The following CCDC39 variants were observed in gnomAD, a reference collection of about 807,000 sequenced individuals.
CCDC39 encodes coiled-coil domain-containing protein 39.
CCDC39 carries 113 observed loss-of-function variants against 121.0 expected under a neutral mutation model. The ratio of observed to expected loss-of-function variants is 0.93; its 90% CI spans 0.80 to 1.09. The LOEUF is 1.09. CCDC39 is among the 50% of genes least tolerant of loss of function. CCDC39 has a pLI of 0.00. For synonymous variants in CCDC39, 349 were observed against 352.2 expected (o/e 0.99, Z 0.10); for missense variants, 1,063 against 1,074.7 (o/e 0.99, Z 0.15).
chr3:180,668,110 G>A (rs944551507), intron 1 of CCDC39, among the ~76,000 whole-genome samples: 7 of 152,268 alleles, frequency 4.6e-5, no homozygotes, highest in African/African-American at 1.4e-4. Context: ...AGGCACAATG[G>A]CTCATGCCTG....
At position 180,659,740 on chromosome 3, in the gene CCDC39, A is replaced by C; in HGVS notation, c.546T>G (p.Thr182=). The C allele has an allele frequency of 6.2e-7, 1 of 1,612,220 alleles. No individual in the cohort carries two copies. Residue 182 remains threonine (T), a synonymous_variant, in exon 5 of 20, where the codon ACT becomes ACG. Coordinates refer to ENST00000476379, the MANE Select transcript of CCDC39 (RefSeq NM_181426.2). ...RALTLQLERL[T]LECNQKRKIL... is the part of the protein sequence containing the mutation. Reference sequence around the variant, plus strand: ...TCTTTCTTTTCTGATTACATTCCAAAGTTAGTCTTTCTAATTGCAGAGTCA... The same window carrying C: ...TCTTTCTTTTCTGATTACATTCCAACGTTAGTCTTTCTAATTGCAGAGTCA...
At chr3:180,625,052 G>A (rs1242752894) in intron 14 of CCDC39, among the ~76,000 whole-genome samples, 1 of 152,002 alleles carries the variant, frequency 6.6e-6, no homozygotes, top group Non-Finnish European at 1.5e-5. Context: ...GGCCTCTTGT[G>A]TCTCGGCGTC....
chr3:180,676,470 G>T (rs1414788337), intron 1 of CCDC39, among the ~76,000 whole-genome samples: 1 of 152,188 alleles, frequency 6.6e-6, no homozygotes, highest in Non-Finnish European at 1.5e-5. Context: ...TTAGAATGGC[G>T]ATCATTAAAA....
In CCDC39 at chr3:180,660,608, G is replaced by C. The variant is rs1350436900; in HGVS notation, c.478C>G (p.Leu160Val). ...SAHKDSDALT[L>V]QKYAQQDDNK... The stretch of plus-strand genomic sequence containing the variant: ...TCATCTTGTTGTGCATACTTCTGGA[G>C]AGTGAGAGCATCACTATCTTTATGA... Residue 160 changes from leucine to valine, a missense_variant, in exon 4 of 20, where the codon CTC becomes GTC. Physicochemically the swap from Leu to Val is conservative, Grantham distance 32. Transcript: ENST00000476379. 1 of 1,600,576 alleles carries C rather than the reference G, an allele frequency of 6.2e-7. No homozygotes were observed. The highest frequency in any genetic ancestry group is 8.5e-7 in the Non-Finnish European group (1 of 1,172,282).
At chr3:180,640,186 A>T (rs1027153867) in intron 13 of CCDC39, among the ~76,000 whole-genome samples, 2 of 152,104 alleles carry the variant, frequency 1.3e-5, no homozygotes, top group Admixed American at 1.3e-4. Context: ...AACCTATCAA[A>T]TGTACACTTT....
chr3:180,655,540 A>AG (rs1427980369), intron 6 of CCDC39, among the ~76,000 whole-genome samples: 22 of 151,754 alleles, frequency 1.4e-4, no homozygotes, highest in Non-Finnish European at 3.2e-4. Flanking sequence ...AGGATAGGGA[A>AG]GAAAAAAAAA....
Position 180,654,828 on chromosome 3 carries a change from A to G in CCDC39, c.864T>C (p.Arg288=). The G allele has an allele frequency of 6.2e-7, 1 of 1,610,804 alleles. No individual in the cohort carries two copies. Among genetic ancestry groups the G allele is most frequent in the African/African-American group, 1.3e-5 (1 of 74,922 alleles). The part of the protein sequence containing the change: ...EFEKRISVAD[R]KLLKCRTAYQ... ...ATGCCGTTCTACATTTTAAAAGTTT[A>G]CGATCAGCCACAGAAATTCTTTTCT... Residue 288 remains arginine, a synonymous_variant, in exon 7 of 20, where the codon CGT becomes CGC. Transcript: ENST00000476379.
intron 19 of CCDC39, 99 bp from the exon 20 acceptor site, chr3:180,615,176 G>A: frequency 2.3e-6 from 2 of 862,992 alleles, no homozygotes; most frequent in Non-Finnish European, 3.4e-6. Flanking sequence ...CATAAGTAAA[G>A]ACATCAAAAA....
Position 180,671,771 on chromosome 3 carries a change from A to G in CCDC39, c.90+7520T>C, listed in dbSNP as rs73051791. Among the ~76,000 whole-genome samples, 297 of 152,288 alleles carry G rather than the reference A, an allele frequency of 2.0e-3. 1 individual carries two copies. The highest frequency in any genetic ancestry group is 6.8e-3 in the African/African-American group (284 of 41,562). The stretch of plus-strand genomic sequence containing the variant: ...AGGGCCCTTAACTTTCTTCAATTCT[A>G]TGAAGGCTGAGAAGGGTGAAGAAGC... On this transcript the variant is annotated intron_variant, in intron 1 of 19. Transcript: ENST00000476379.
rs376284709 is a variant in CCDC39 at position 180,642,243 on chromosome 3, A to T, written c.1666-42T>A. On this transcript the variant is annotated intron_variant, in intron 12 of 19. Coordinates refer to ENST00000476379, the MANE Select transcript of CCDC39 (RefSeq NM_181426.2). ...ATGGTCAAATATTGAAATTATTTTT[A>T]ATTGCAAAACCAAAATTTTTTTTAT... 8 of 1,379,628 alleles carry T rather than the reference A, an allele frequency of 5.8e-6. No individual in the cohort carries two copies. The African/African-American group carries it at 1.2e-4, about 20-fold the overall frequency. The allele number at this position is 1,379,628 out of a possible 1,614,324, so 85.5% of individuals were successfully genotyped here.
intron 1 of CCDC39, among the ~76,000 whole-genome samples, chr3:180,671,764 C>T (rs1303686251): frequency 2.0e-5 from 3 of 152,128 alleles, no homozygotes; most frequent in African/African-American, 7.2e-5. Flanking sequence ...TAACTTTCTT[C>T]AATTCTATGA....
intron 6 of CCDC39, among the ~76,000 whole-genome samples, chr3:180,658,100 G>T (rs147888661): frequency 6.6e-6 from 1 of 151,820 alleles, no homozygotes; most frequent in Non-Finnish European, 1.5e-5. Flanking sequence ...TTAGCTGGGC[G>T]TGGTGGCGGG....
chr3:180,630,804 T>TG (rs1193002651), intron 14 of CCDC39, among the ~76,000 whole-genome samples: 16 of 152,118 alleles, frequency 1.1e-4, no homozygotes, highest in Non-Finnish European at 2.2e-4. Context: ...CAGATTCACC[T>TG]GGTCTGTCTC....
intron 2 of CCDC39, 88 bp downstream of exon 2, chr3:180,663,779 T>A (rs1307805670): frequency 8.1e-7 from 1 of 1,240,584 alleles, no homozygotes; most frequent in Non-Finnish European, 1.1e-6. Flanking sequence ...AGGTTTCCTA[T>A]TATAGCTGTA....
chr3:180,620,090 C>G, intron 14 of CCDC39, 120 bp from the exon 15 acceptor site: 1 of 649,100 alleles, frequency 1.5e-6, no homozygotes, highest in South Asian at 3.2e-5. Flanking sequence ...ATCTCATGGC[C>G]TACATATGGC....
At chr3:180,665,940 G>A (rs1711862186) in intron 1 of CCDC39, among the ~76,000 whole-genome samples, 1 of 151,796 alleles carries the variant, frequency 6.6e-6, no homozygotes, top group Non-Finnish European at 1.5e-5. Context: ...AGCATTTTAG[G>A]GATTATAATT....
chr3:180,620,172 TAGGATAC>T lies in CCDC39; in HGVS notation c.1999-209_1999-203del, dbSNP rs148793330. On this transcript the variant is annotated intron_variant, in intron 14 of 19. Coordinates refer to ENST00000476379, the MANE Select transcript of CCDC39 (RefSeq NM_181426.2). Reference sequence around the variant, plus strand: ...TATCAGGCCTTCAAAATATGGCACATAGGATACAGAATTCAAAACCGTGATGGAAATG... The same window carrying T: ...TATCAGGCCTTCAAAATATGGCACATAGAATTCAAAACCGTGATGGAAATG... Among the ~76,000 whole-genome samples the T allele has an allele frequency of 4.9e-3, 743 of 152,048 alleles. 8 individuals are homozygous for T. The highest frequency in any genetic ancestry group is 0.017 in the African/African-American group (693 of 41,482).
chr3:180,630,154 T>C (rs1364917667), intron 14 of CCDC39, among the ~76,000 whole-genome samples: 2 of 152,148 alleles, frequency 1.3e-5, no homozygotes, highest in Non-Finnish European at 2.9e-5. Context: ...ACACCAGTAC[T>C]TTTAGGTAAC....
chr3:180,617,527 A>C (rs768502086), intron 16 of CCDC39: 4 of 646,228 alleles, frequency 6.2e-6, no homozygotes, highest in South Asian at 3.7e-5. Flanking sequence ...CAAGATATGG[A>C]GGTGGAAGAC....
Sources: allele counts gnomAD v4.1 joint callset (sites outside exome capture counted in the v4.1 genomes callset), GRCh38; gene constraint gnomAD v4.1.1; transcripts MANE v1.5; gene names NCBI Gene and HGNC (gene_info 2026-07-23, HGNC 2026-07-21).